Variants in SCAPER observed in about 807,000 individuals in gnomAD.
SCAPER encodes the protein S phase cyclin A-associated protein in the endoplasmic reticulum.
SCAPER carries 98 observed loss-of-function variants against 182.2 expected under a neutral mutation model. The ratio of observed to expected loss-of-function variants is 0.54; its 90% confidence interval spans 0.46 to 0.64. The LOEUF is 0.64. Ranked by LOEUF, SCAPER falls within the 30% of genes least tolerant of loss-of-function variation. SCAPER has a pLI of 0.00. For synonymous variants in SCAPER, 605 were observed against 564.6 expected, an observed-to-expected ratio of 1.07 and a Z score of -1.01; for missense variants, 1,432 against 1,690.0, an observed-to-expected ratio of 0.85 and a Z score of 2.68.
chr15:76,776,917 T>C (rs1475928772), intron 8 of SCAPER, among the ~76,000 whole-genome samples: 1 of 152,110 alleles, frequency 6.6e-6, no homozygotes, highest in African/African-American at 2.4e-5. Flanking sequence ...ACTGAAAAAG[T>C]ATTGAAAAAA....
intron 5 of SCAPER, among the ~76,000 whole-genome samples, chr15:76,831,391 A>C (rs1598974939): frequency 3.5e-5 from 5 of 143,558 alleles, no homozygotes; most frequent in Admixed American, 7.0e-5. Flanking sequence ...CCCAGCCCCC[A>C]CCCTCCCATA....
intron 8 of SCAPER, among the ~76,000 whole-genome samples, chr15:76,790,894 T>C (rs1598750745): frequency 6.6e-6 from 1 of 152,310 alleles, no homozygotes; most frequent in Non-Finnish European, 1.5e-5. Context: ...GAACAAAGAG[T>C]GAATTTTAGC....
chr15:76,733,434 A>G (rs2061045423), intron 15 of SCAPER, 50 bp from the exon 16 acceptor site: 2 of 1,576,520 alleles, frequency 1.3e-6, no homozygotes, highest in South Asian at 2.3e-5. Flanking sequence ...ATTCTAGGGC[A>G]CATTACAAAA....
At chr15:76,722,078 C>T (rs1279159388) in intron 17 of SCAPER, among the ~76,000 whole-genome samples, 3 of 152,074 alleles carry the variant, frequency 2.0e-5, no homozygotes, top group Non-Finnish European at 4.4e-5. Context: ...ATAGATAGCT[C>T]TTATTATTTT....
chr15:76,817,805 ACT>A (rs975671821), intron 5 of SCAPER, among the ~76,000 whole-genome samples: 3 of 152,142 alleles, frequency 2.0e-5, no homozygotes, highest in African/African-American at 7.2e-5. Flanking sequence ...AAACAACAAA[ACT>A]CTGATAAAAA....
intron 2 of SCAPER, among the ~76,000 whole-genome samples, chr15:76,882,592 T>C (rs1289272085): frequency 6.6e-6 from 1 of 152,086 alleles, no homozygotes; most frequent in African/African-American, 2.4e-5. Context: ...ATCAAAACCT[T>C]AGAACTGAGG....
intron 11 of SCAPER, among the ~76,000 whole-genome samples, chr15:76,766,078 C>T (rs1301481385): frequency 1.7e-5 from 2 of 114,906 alleles, no homozygotes; most frequent in Non-Finnish European, 3.8e-5. Flanking sequence ...GTATCATTTG[C>T]TCATTTATTT....
chr15:76,640,434 A>G (rs1258279173), intron 21 of SCAPER, among the ~76,000 whole-genome samples: 1 of 152,242 alleles, frequency 6.6e-6, no homozygotes, highest in African/African-American at 2.4e-5. Context: ...TTTAGACATA[A>G]GCAAGCTAAA....
intron 21 of SCAPER, among the ~76,000 whole-genome samples, chr15:76,636,367 TTCTC>T (rs904280656): frequency 3.3e-5 from 5 of 152,074 alleles, no homozygotes; most frequent in African/African-American, 1.2e-4. Context: ...TTTCTGGCCT[TTCTC>T]TCTAAGCTTT....
At chr15:76,682,272 C>CT (rs1567786994) in intron 20 of SCAPER, among the ~76,000 whole-genome samples, 3 of 143,140 alleles carry the variant, frequency 2.1e-5, no homozygotes, top group African/African-American at 5.1e-5. Context: ...CTTCCCCCCC[C>CT]CACCCCACAG....
At chr15:76,811,353 T>C (rs2066606452) in intron 5 of SCAPER, among the ~76,000 whole-genome samples, 1 of 151,934 alleles carries the variant, frequency 6.6e-6, no homozygotes, top group South Asian at 2.1e-4. Flanking sequence ...AAAAAGGCAG[T>C]GAGGAGTCAC....
intron 7 of SCAPER, among the ~76,000 whole-genome samples, chr15:76,798,177 T>C (rs546465482): frequency 1.3e-5 from 2 of 152,070 alleles, no homozygotes; most frequent in Admixed American, 6.5e-5. Context: ...CTAGCCAACA[T>C]GGCAAAACCC....
At chr15:76,781,961 T>C (rs1356468112) in intron 8 of SCAPER, among the ~76,000 whole-genome samples, 1 of 152,192 alleles carries the variant, frequency 6.6e-6, no homozygotes, top group Non-Finnish European at 1.5e-5. Context: ...CCATGGATAC[T>C]AGGAAGAAAC....
intron 22 of SCAPER, among the ~76,000 whole-genome samples, chr15:76,616,693 A>G (rs1041020858): frequency 6.6e-6 from 1 of 152,160 alleles, no homozygotes; most frequent in Non-Finnish European, 1.5e-5. Flanking sequence ...TCTCCTAAAT[A>G]TAGTATAGAT....
intron 22 of SCAPER, among the ~76,000 whole-genome samples, chr15:76,615,214 G>T (rs182870225): frequency 2.1e-3 from 316 of 151,976 alleles, no homozygotes; most frequent in Non-Finnish European, 3.4e-3. Context: ...GAGGCTGAGG[G>T]GGGGCGGATT....
chr15:76,387,537 C>T (rs2043367909), intron 27 of SCAPER, among the ~76,000 whole-genome samples: 1 of 152,172 alleles, frequency 6.6e-6, no homozygotes, highest in Non-Finnish European at 1.5e-5. Context: ...GTATTTAAAA[C>T]TAGAAACTTA....
rs191158349 is a variant in SCAPER, at chr15:76,406,402, C to G, written c.3312-1723G>C. On this transcript the variant is annotated intron_variant, in intron 26 of 31. Transcript: ENST00000563290. ...CTGAGGCAGGAGAATCGCTTGAACC[C>G]GGGAAGTCGAAGTTGCAGTAAGCCA... 8.2e-4 allele frequency among the ~76,000 whole-genome samples: 125 copies of G among 152,124 alleles called. 1 individual carries two copies. Among genetic ancestry groups the G allele is most frequent in the African/African-American group, 3.0e-3 (123 of 41,498 alleles).
In SCAPER at chr15:76,471,276, C is replaced by G. The variant is rs2050143972; in HGVS notation, c.3014G>C (p.Cys1005Ser). Residue 1005 changes from cysteine to serine, a missense_variant, in exon 25 of 32, where the codon TGC becomes TCC. Transcript: ENST00000563290. ...NLTCNNCSEN[C>S]SDVLFSNKIT... ...CTTGTTACTAAACAGAACATCACTG[C>G]AGTTTTCTGAACAGTTATTGCAGGT... The G allele has an allele frequency of 6.2e-7, 1 of 1,612,350 alleles. No homozygotes were observed. The highest frequency in any genetic ancestry group is 1.3e-5 in the African/African-American group (1 of 74,804).
rs200482628 is a variant in SCAPER at position 76,811,810 on chromosome 15, TA to T, written c.394-7178del. 5.2e-3 allele frequency among the ~76,000 whole-genome samples: 747 copies of T among 144,204 alleles called. 5 individuals carry two copies. The highest frequency in any genetic ancestry group is 0.017 in the African/African-American group (662 of 39,254). 94.6% of individuals were successfully genotyped at this position (144,204 alleles called of 152,430 possible). ...CCTCAAAAAATAAAAAATAAAAAAA[TA>T]AAAAAAATAAAATAAAAAAGGGAAA... On this transcript the variant is annotated intron_variant, in intron 5 of 31. Coordinates refer to ENST00000563290, the MANE Select transcript of SCAPER (RefSeq NM_020843.4).
Sources: allele counts gnomAD v4.1 joint callset (sites outside exome capture counted in the v4.1 genomes callset), GRCh38; gene constraint gnomAD v4.1.1; transcripts MANE v1.5; gene names NCBI Gene and HGNC (gene_info 2026-07-23, HGNC 2026-07-21).